Variants in LAMA2 observed in about 807,000 individuals in gnomAD.
The protein encoded by LAMA2 is laminin subunit alpha-2.
In LAMA2, 269 loss-of-function variants were observed where a neutral mutation model predicts 364.8. The ratio of observed to expected loss-of-function variants is 0.74; its 90% CI spans 0.67 to 0.82. The LOEUF (loss-of-function observed/expected upper bound fraction) is 0.82, where lower values mean the gene tolerates loss of function less well. LAMA2 is among the 40% of genes least tolerant of loss of function. The pLI is 0.00. For missense variants in LAMA2, 3,807 were observed against 3,873.2 expected, an observed-to-expected ratio of 0.98 and a Z score of 0.45; for synonymous variants, 1,379 against 1,370.6, an observed-to-expected ratio of 1.01 and a Z score of -0.14.
chr6:129,431,834 C>T (rs1403024130), intron 41 of LAMA2, among the ~76,000 whole-genome samples: 1 of 152,086 alleles, frequency 6.6e-6, no homozygotes, highest in Admixed American at 6.5e-5. Flanking sequence ...TCAGTCATTC[C>T]GTTCAGACAA....
intron 7 of LAMA2, 31 bp from the exon 8 acceptor site, chr6:129,154,474 A>G (rs187634116): frequency 8.0e-5 from 124 of 1,546,246 alleles, no homozygotes; most frequent in Non-Finnish European, 1.0e-4. Flanking sequence ...AATCAAATTG[A>G]TGTTTATTAA....
intron 12 of LAMA2, among the ~76,000 whole-genome samples, chr6:129,210,712 T>C (rs1398210119): frequency 6.6e-6 from 1 of 152,202 alleles, no homozygotes; most frequent in Non-Finnish European, 1.5e-5. Context: ...GAAGAGGTTA[T>C]AATTTTTTAG....
At chr6:128,898,592 C>G (rs1776904642) in intron 1 of LAMA2, among the ~76,000 whole-genome samples, 1 of 152,110 alleles carries the variant, frequency 6.6e-6, no homozygotes, top group Non-Finnish European at 1.5e-5. Flanking sequence ...CTTTTTTTGC[C>G]TATGCAACTT....
intron 4 of LAMA2, among the ~76,000 whole-genome samples, chr6:129,132,168 C>CA (rs1554223434): frequency 7.1e-6 from 1 of 140,132 alleles, no homozygotes; most frequent in Non-Finnish European, 1.6e-5. Flanking sequence ...TGACCTTACT[C>CA]TTTTTTTTTT....
At chr6:129,251,225 G>A (rs1786216977) in intron 13 of LAMA2, among the ~76,000 whole-genome samples, 1 of 151,824 alleles carries the variant, frequency 6.6e-6, no homozygotes, top group Non-Finnish European at 1.5e-5. Flanking sequence ...GATTACCTAA[G>A]TGTCATAGGT....
At chr6:129,193,113 G>T (rs1420364821) in intron 12 of LAMA2, among the ~76,000 whole-genome samples, 1 of 152,286 alleles carries the variant, frequency 6.6e-6, no homozygotes, top group East Asian at 1.9e-4. Flanking sequence ...TAATGAAGCC[G>T]CTAGTGTATT....
intron 22 of LAMA2, among the ~76,000 whole-genome samples, chr6:129,309,994 G>A (rs565235282): frequency 6.7e-6 from 1 of 149,048 alleles, no homozygotes; most frequent in East Asian, 2.0e-4. Flanking sequence ...CCGCCTCCCG[G>A]GTTCACGCCA....
intron 40 of LAMA2, among the ~76,000 whole-genome samples, chr6:129,411,161 A>G (rs1780521947): frequency 6.6e-6 from 1 of 152,206 alleles, no homozygotes. Flanking sequence ...GTTGACACAT[A>G]CAATTTACAA....
chr6:129,423,619 G>A (rs113624633), intron 40 of LAMA2, among the ~76,000 whole-genome samples: 45 of 152,076 alleles, frequency 3.0e-4, no homozygotes, highest in African/African-American at 9.9e-4. Flanking sequence ...ATGTTATAAG[G>A]TACAACATCT....
intron 12 of LAMA2, among the ~76,000 whole-genome samples, chr6:129,199,592 T>C (rs1459792931): frequency 6.6e-6 from 1 of 152,096 alleles, no homozygotes; most frequent in Non-Finnish European, 1.5e-5. Context: ...CAAGAGAATC[T>C]ACAGACAAAT....
At chr6:129,351,365 A>G (rs1776843919) in intron 31 of LAMA2, among the ~76,000 whole-genome samples, 1 of 152,200 alleles carries the variant, frequency 6.6e-6, no homozygotes. Flanking sequence ...AAAAGCTGTC[A>G]GTTTGTGTAG....
At chr6:129,414,006 A>T (rs938181792) in intron 40 of LAMA2, among the ~76,000 whole-genome samples, 1 of 143,120 alleles carries the variant, frequency 7.0e-6, no homozygotes, top group African/African-American at 2.6e-5. Flanking sequence ...AAGAGAGACA[A>T]CACAAATGAA....
chr6:128,983,269 C>T (rs1022443540), intron 1 of LAMA2, among the ~76,000 whole-genome samples: 48 of 151,996 alleles, frequency 3.2e-4, no homozygotes, highest in African/African-American at 1.1e-3. Flanking sequence ...TCCTCTCCAG[C>T]CCCTGTTGTT....
intron 11 of LAMA2, among the ~76,000 whole-genome samples, chr6:129,191,463 C>G (rs67361285): frequency 0.072 from 11,016 of 152,192 alleles, 796 homozygotes; most frequent in African/African-American, 0.18. Flanking sequence ...AAGTCCCACC[C>G]CACCCTCCAG....
intron 14 of LAMA2, among the ~76,000 whole-genome samples, chr6:129,259,767 T>G (rs1786992419): frequency 6.6e-6 from 1 of 152,058 alleles, no homozygotes; most frequent in Non-Finnish European, 1.5e-5. Context: ...TTATCTCCAT[T>G]GTATAGAAGA....
intron 8 of LAMA2, 148 bp downstream of exon 8, chr6:129,154,831 C>A: frequency 1.4e-6 from 1 of 698,452 alleles, no homozygotes; most frequent in Non-Finnish European, 2.4e-6. Flanking sequence ...GTAGTTGAAA[C>A]TGACCTAAAT....
At chr6:129,145,152 C>G (rs551155548) in intron 5 of LAMA2, among the ~76,000 whole-genome samples, 1 of 151,868 alleles carries the variant, frequency 6.6e-6, no homozygotes, top group Non-Finnish European at 1.5e-5. Context: ...TAGAATGATC[C>G]CACTAAGGTA....
chr6:128,956,244 C>A (rs9388672), intron 1 of LAMA2, among the ~76,000 whole-genome samples: 147,076 of 152,046 alleles, frequency 0.97, 71,194 homozygotes, highest in East Asian at 1. Context: ...AATTTATTTG[C>A]ATTTTTAAAA....
intron 28 of LAMA2, among the ~76,000 whole-genome samples, chr6:129,325,325 CT>C (rs1775208175): frequency 6.6e-6 from 1 of 152,014 alleles, no homozygotes; most frequent in South Asian, 2.1e-4. Flanking sequence ...TATTTATTTG[CT>C]TTTCTTTAAT....
Sources: allele counts gnomAD v4.1 joint callset (sites outside exome capture counted in the v4.1 genomes callset), GRCh38; gene constraint gnomAD v4.1.1; transcripts MANE v1.5; gene names NCBI Gene and HGNC (gene_info 2026-07-23, HGNC 2026-07-21).